MAP3K15: variants seen among roughly 807,000 people sequenced by gnomAD.
MAP3K15 encodes the protein MAPK/ERK kinase kinase 15.
In MAP3K15, 124 loss-of-function variants were observed where a neutral mutation model predicts 99.5. That is an observed-to-expected ratio of 1.25 (90% CI 1.08 to 1.45). The LOEUF (loss-of-function observed/expected upper bound fraction) is 1.45. Ranked by LOEUF, MAP3K15 falls within the 40% of genes most tolerant of loss-of-function variation. The pLI is 0.00. For synonymous variants in MAP3K15, 494 were observed against 439.6 expected (o/e 1.12, Z -1.55); for missense variants, 1,242 against 1,079.7 (o/e 1.15, Z -2.11).
chrX:19,465,833 GTGTGT>G (rs2064164711), intron 3 of MAP3K15, among the ~76,000 whole-genome samples: 1 of 97,264 alleles, frequency 1.0e-5, no homozygotes, highest in African/African-American at 4.2e-5. Context: ...GTGTAGGGGT[GTGTGT>G]GTGTGTGTGT....
intron 23 of MAP3K15, 87 bp from the exon 24 acceptor site, chrX:19,371,151 A>T: frequency 2.4e-6 from 2 of 834,977 alleles, no homozygotes; most frequent in Non-Finnish European, 3.3e-6. Flanking sequence ...GGCAACCTAC[A>T]CTCATCCTCT....
At chrX:19,436,196 C>T (rs1664557551) in intron 6 of MAP3K15, among the ~76,000 whole-genome samples, 3 of 109,871 alleles carry the variant, frequency 2.7e-5, no homozygotes, top group South Asian at 8.0e-4. Context: ...AATTCAATCA[C>T]CTAGGAGCTT....
At chrX:19,501,632 C>A (rs1290262278) in intron 1 of MAP3K15, among the ~76,000 whole-genome samples, 1 of 112,501 alleles carries the variant, frequency 8.9e-6, no homozygotes, top group East Asian at 2.8e-4. Flanking sequence ...CAGCTGTCAT[C>A]TGTGCCCACT....
chrX:19,418,977 C>T (rs929124630), intron 9 of MAP3K15, among the ~76,000 whole-genome samples: 24 of 111,754 alleles, frequency 2.1e-4, no homozygotes, highest in African/African-American at 7.1e-4. Context: ...CCTTTACAGA[C>T]AAGCAAATGC....
Position 19,392,045 on chromosome X carries a change from C to G in MAP3K15, c.2388G>C (p.Ser796=). 8.3e-7 allele frequency: 1 copy of G among 1,211,129 alleles called. No individual in the cohort carries two copies. Among genetic ancestry groups the G allele is most frequent in the Non-Finnish European group, 1.1e-6 (1 of 894,862 alleles). The stretch of plus-strand genomic sequence containing the variant: ...AGGGGTTCACACCCGCAAGACGTTT[C>G]GAGGTTCCAAAATCGGAGATTTTCA... ...GVVKISDFGT[S]KRLAGVNPCT... The change falls in exon 18 of 29, where the codon TCG becomes TCC. Residue 796 remains serine (S), a synonymous_variant. Coordinates refer to ENST00000338883, the MANE Select transcript of MAP3K15 (RefSeq NM_001001671.4).
chrX:19,366,527 TC>T (rs964389119), intron 25 of MAP3K15, among the ~76,000 whole-genome samples: 10 of 111,741 alleles, frequency 8.9e-5, no homozygotes, highest in African/African-American at 2.9e-4. Flanking sequence ...GGGGGTGGTT[TC>T]CCCCATACTG....
intron 26 of MAP3K15, chrX:19,361,808 G>C: frequency 2.9e-6 from 1 of 340,553 alleles, no homozygotes; most frequent in Non-Finnish European, 5.1e-6. Flanking sequence ...CCTTCAGTTA[G>C]TTTGGAATTT....
chrX:19,439,978 G>A (rs1442827606), intron 6 of MAP3K15, among the ~76,000 whole-genome samples: 1 of 111,492 alleles, frequency 9.0e-6, no homozygotes, highest in East Asian at 2.8e-4. Context: ...AGGCACTGGG[G>A]GCAGAGGGTG....
At chrX:19,412,390 G>A (rs1346958143) in intron 11 of MAP3K15, among the ~76,000 whole-genome samples, 1 of 112,310 alleles carries the variant, frequency 8.9e-6, no homozygotes, top group African/African-American at 3.2e-5. Flanking sequence ...GCATGATACA[G>A]GCAATTGGTA....
intron 6 of MAP3K15, among the ~76,000 whole-genome samples, chrX:19,453,536 G>A (rs1250795008): frequency 1.8e-5 from 2 of 109,334 alleles, no homozygotes; most frequent in African/African-American, 6.7e-5. Flanking sequence ...GCAGTGTGCT[G>A]TGGTAACATT....
intron 18 of MAP3K15, among the ~76,000 whole-genome samples, chrX:19,388,924 T>C (rs2063509139): frequency 8.9e-6 from 1 of 111,940 alleles, no homozygotes; most frequent in South Asian, 3.7e-4. Flanking sequence ...ATGAACAAAA[T>C]GTGGTTCTCC....
chrX:19,426,204 A>T (rs376100929), intron 8 of MAP3K15, 27 bp downstream of exon 8: 1 of 833,095 alleles, frequency 1.2e-6, no homozygotes, highest in Non-Finnish European at 1.7e-6. Context: ...TCAAAGCAAC[A>T]ACATCTGCAA....
At chrX:19,401,672 T>C (rs1481481940) in intron 13 of MAP3K15, among the ~76,000 whole-genome samples, 2 of 111,715 alleles carry the variant, frequency 1.8e-5, no homozygotes, top group Non-Finnish European at 3.8e-5. Context: ...ATCATTCTGC[T>C]GACACAGAAC....
intron 1 of MAP3K15, among the ~76,000 whole-genome samples, chrX:19,494,990 T>C (rs2064391114): frequency 9.1e-6 from 1 of 110,408 alleles, no homozygotes; most frequent in African/African-American, 3.3e-5. Flanking sequence ...TCAGGTCAAG[T>C]CAGTGAAGAA....
At chrX:19,458,339 G>A (rs1023776213) in intron 5 of MAP3K15, among the ~76,000 whole-genome samples, 2 of 112,396 alleles carry the variant, frequency 1.8e-5, no homozygotes, top group Non-Finnish European at 3.8e-5. Context: ...CTTGTCCTGG[G>A]AGACAAGACC....
At chrX:19,418,391 G>C (rs1371727571) in intron 9 of MAP3K15, among the ~76,000 whole-genome samples, 1 of 111,672 alleles carries the variant, frequency 9.0e-6, no homozygotes, top group South Asian at 3.8e-4. Context: ...ACTATGTGAT[G>C]AATGCACAAG....
In MAP3K15 at chrX:19,501,262, C is replaced by T. The variant is rs763327265; in HGVS notation, c.362-12295G>A. ...GAGTTACAACGCCATCTTTAATCGCCTACTGTACTTAAAGTAAAAATCGTA... is the reference window on the plus strand; with the variant it reads ...GAGTTACAACGCCATCTTTAATCGCTTACTGTACTTAAAGTAAAAATCGTA... On this transcript the variant is annotated intron_variant, in intron 1 of 28. Transcript: ENST00000338883. 4.5e-4 allele frequency among the ~76,000 whole-genome samples: 50 copies of T among 111,858 alleles called. No homozygotes were observed. The South Asian group carries it at 7.5e-3, about 17-fold the overall frequency.
Position 19,395,083 on chromosome X carries a change from C to G in MAP3K15, c.2192G>C (p.Gly731Ala), listed in dbSNP as rs767002213. 4 of 1,207,300 alleles carry G rather than the reference C, an allele frequency of 3.3e-6. No homozygotes were observed. Residue 731 changes from glycine (G) to alanine (A), a missense_variant and splice_region_variant, in exon 16 of 29, where the codon GGA becomes GCA. By Grantham distance (60) the Gly-to-Ala change is moderately conservative. Transcript: ENST00000338883. ...YIKIFMEQVP[G>A]GSLSALLRSK... ...ACCAGAAGACAGCGACTACTCACCT[C>G]CAGGCACCTGCTCCATAAATATCTT...
intron 18 of MAP3K15, among the ~76,000 whole-genome samples, chrX:19,380,839 AGCAGAG>A (rs1303808269): frequency 2.7e-5 from 3 of 112,816 alleles, no homozygotes; most frequent in African/African-American, 9.7e-5. Flanking sequence ...TATTTCTTTG[AGCAGAG>A]GCATGCAACA....
Sources: gnomAD v4.1 joint callset for allele counts (sites outside exome capture counted in the v4.1 genomes callset) on GRCh38, gnomAD v4.1.1 for gene constraint, MANE v1.5 for transcripts, NCBI Gene and HGNC (gene_info 2026-07-23, HGNC 2026-07-21) for gene names.